Variants in CAMTA1 observed in about 807,000 individuals in gnomAD.
CAMTA1 encodes the protein calmodulin-binding transcription activator 1.
Under a neutral mutation model 170.9 loss-of-function variants are expected in CAMTA1, and 27 were observed. The observed-to-expected ratio is 0.16, with a 90% CI of 0.12 to 0.22. The LOEUF (loss-of-function observed/expected upper bound fraction) is 0.22. Ranked by LOEUF, CAMTA1 falls within the 10% of genes least tolerant of loss-of-function variation. The pLI is 1.00. For synonymous variants in CAMTA1, 833 were observed against 891.5 expected, an observed-to-expected ratio of 0.93 and a Z score of 1.17; for missense variants, 1,619 against 2,217.2, an observed-to-expected ratio of 0.73 and a Z score of 5.42.
At chr1:6,796,720 A>G (rs1035850642) in intron 1 of CAMTA1, among the ~76,000 whole-genome samples, 3 of 151,840 alleles carry the variant, frequency 2.0e-5, no homozygotes, top group Non-Finnish European at 2.9e-5. Flanking sequence ...GTAGCTGTTG[A>G]CTCCGGTTTC....
intron 6 of CAMTA1, among the ~76,000 whole-genome samples, chr1:7,545,879 C>T (rs747686113): frequency 7.2e-5 from 11 of 151,982 alleles, no homozygotes; most frequent in Admixed American, 5.2e-4. Context: ...GTTGTCCCCC[C>T]GGACATGTCC....
Position 7,541,896 on chromosome 1 carries a change from A to G in CAMTA1, c.510+73995A>G, listed in dbSNP as rs376611402. Among the ~76,000 whole-genome samples, 6 of 152,334 alleles carry G rather than the reference A, an allele frequency of 3.9e-5. No individual in the cohort carries two copies. In the East Asian group the frequency reaches 5.8e-4, roughly 15 times the overall value. ...TTTTTGTTTACTGCTCTGCCTGGCC[A>G]ACAAGATAAGTCCATGAAGTCACCA... On this transcript the variant is annotated intron_variant, in intron 6 of 22. Coordinates refer to ENST00000303635, the MANE Select transcript of CAMTA1 (RefSeq NM_015215.4).
At chr1:7,490,242 T>C (rs2093681885) in intron 6 of CAMTA1, among the ~76,000 whole-genome samples, 1 of 152,190 alleles carries the variant, frequency 6.6e-6, no homozygotes, top group Middle Eastern at 3.2e-3. Context: ...CCGTGCACAA[T>C]GTGGAGATGT....
chr1:7,090,879 C>T (rs149016148), intron 3 of CAMTA1, among the ~76,000 whole-genome samples: 3 of 152,198 alleles, frequency 2.0e-5, no homozygotes, highest in South Asian at 2.1e-4. Context: ...TGAGAGAATG[C>T]GACGTCTCTT....
intron 4 of CAMTA1, among the ~76,000 whole-genome samples, chr1:7,134,519 G>A (rs1645437835): frequency 6.6e-6 from 1 of 152,002 alleles, no homozygotes; most frequent in African/African-American, 2.4e-5. Flanking sequence ...TGTTGTCCAG[G>A]CTGATTACAA....
At chr1:7,763,514 T>C (rs1176459442) in intron 22 of CAMTA1, among the ~76,000 whole-genome samples, 2 of 152,244 alleles carry the variant, frequency 1.3e-5, no homozygotes, top group Non-Finnish European at 2.9e-5. Flanking sequence ...CATCACTAAT[T>C]TCATAGAGTA....
At chr1:7,046,535 G>A (rs1156327806) in intron 3 of CAMTA1, among the ~76,000 whole-genome samples, 3 of 152,166 alleles carry the variant, frequency 2.0e-5, no homozygotes, top group Non-Finnish European at 2.9e-5. Flanking sequence ...GTTCCATCCC[G>A]GATGCAGCTG....
intron 7 of CAMTA1, among the ~76,000 whole-genome samples, chr1:7,660,187 G>A (rs1396313800): frequency 6.6e-6 from 1 of 152,180 alleles, no homozygotes; most frequent in African/African-American, 2.4e-5. Flanking sequence ...TTTTGCCTCA[G>A]CCCCCCAGGT....
intron 6 of CAMTA1, among the ~76,000 whole-genome samples, chr1:7,497,024 G>T (rs1439616889): frequency 2.0e-5 from 2 of 102,342 alleles, no homozygotes; most frequent in Admixed American, 1.0e-4. Context: ...GGGACCTAGG[G>T]CTCGAGAAAA....
intron 3 of CAMTA1, among the ~76,000 whole-genome samples, chr1:6,838,112 T>C (rs1195361984): frequency 1.3e-5 from 2 of 152,144 alleles, no homozygotes; most frequent in African/African-American, 4.8e-5. Context: ...ATTGAATGAA[T>C]GAGTAAAGAC....
chr1:6,953,409 G>GT (rs1403629034), intron 3 of CAMTA1, among the ~76,000 whole-genome samples: 1 of 152,248 alleles, frequency 6.6e-6, no homozygotes, highest in Non-Finnish European at 1.5e-5. Context: ...CGCCGCGTGA[G>GT]TCCCCTGGTA....
intron 3 of CAMTA1, among the ~76,000 whole-genome samples, chr1:6,911,546 C>T (rs1465348712): frequency 1.3e-5 from 2 of 151,638 alleles, no homozygotes; most frequent in African/African-American, 2.4e-5. Flanking sequence ...AAATGATCTT[C>T]ATGTTTGAGC....
At chr1:6,870,724 A>G in intron 3 of CAMTA1, among the ~76,000 whole-genome samples, 1 of 152,150 alleles carries the variant, frequency 6.6e-6, no homozygotes, top group South Asian at 2.1e-4. Flanking sequence ...TGCTCCTGCC[A>G]TTTACTCTTC....
At chr1:7,531,955 C>T (rs1038239632) in intron 6 of CAMTA1, among the ~76,000 whole-genome samples, 4 of 152,010 alleles carry the variant, frequency 2.6e-5, no homozygotes, top group African/African-American at 9.7e-5. Flanking sequence ...TTCTAACGCA[C>T]CTACAAAATG....
intron 3 of CAMTA1, among the ~76,000 whole-genome samples, chr1:6,870,178 G>T (rs918611593): frequency 6.6e-6 from 1 of 152,078 alleles, no homozygotes; most frequent in Non-Finnish European, 1.5e-5. Flanking sequence ...TCTAAATAAT[G>T]ATGCTACTAA....
chr1:6,859,108 A>T (rs922599434), intron 3 of CAMTA1, among the ~76,000 whole-genome samples: 1 of 152,218 alleles, frequency 6.6e-6, no homozygotes, highest in Non-Finnish European at 1.5e-5. Flanking sequence ...AACTGATTTT[A>T]TCCTAAAATT....
chr1:7,241,063 A>G (rs574377463), intron 4 of CAMTA1, among the ~76,000 whole-genome samples: 1 of 152,348 alleles, frequency 6.6e-6, no homozygotes, highest in African/African-American at 2.4e-5. Context: ...TACAAAAAAA[A>G]TTTACTAGAA....
At chr1:7,211,361 C>A (rs1658722169) in intron 4 of CAMTA1, among the ~76,000 whole-genome samples, 1 of 152,222 alleles carries the variant, frequency 6.6e-6, no homozygotes, top group Non-Finnish European at 1.5e-5. Flanking sequence ...AGCATTGCAG[C>A]CAGTTCAGAA....
At chr1:7,623,205 C>T (rs907422091) in intron 6 of CAMTA1, among the ~76,000 whole-genome samples, 1 of 152,182 alleles carries the variant, frequency 6.6e-6, no homozygotes, top group Non-Finnish European at 1.5e-5. Context: ...TAGACTTGGT[C>T]ACAGTAGACC....
Sources: allele counts gnomAD v4.1 joint callset (sites outside exome capture counted in the v4.1 genomes callset), GRCh38; gene constraint gnomAD v4.1.1; transcripts MANE v1.5; gene names NCBI Gene and HGNC (gene_info 2026-07-23, HGNC 2026-07-21).